MUC5AC: variants seen among roughly 807,000 people sequenced by gnomAD.
MUC5AC encodes mucin 5AC, oligomeric mucus/gel-forming.
A neutral mutation model predicts 169.7 loss-of-function variants in MUC5AC; 158 were observed. The ratio of observed to expected loss-of-function variants is 0.93; its 90% confidence interval spans 0.82 to 1.06. MUC5AC has a LOEUF of 1.06. Ranked by LOEUF, MUC5AC falls within the 50% of genes least tolerant of loss-of-function variation. MUC5AC has a pLI of 0.00. For synonymous variants in MUC5AC, 1,975 were observed against 1,237.0 expected (o/e 1.60, Z -12.52); for missense variants, 4,359 against 3,089.9 (o/e 1.41, Z -9.74).
At position 1,197,460 on chromosome 11, in the gene MUC5AC, C is replaced by T. The variant is rs1016420670; in HGVS notation, c.15862-8C>T. ...GCGGACGCTGGACCTCAGTCCCCTT[C>T]CTTGCAGGTGGGCCACACCGTCGGC... is the stretch of plus-strand genomic sequence containing the variant. On this transcript the variant is annotated splice_polypyrimidine_tract_variant and splice_region_variant and intron_variant, in intron 40 of 48. Coordinates refer to ENST00000621226, the MANE Select transcript of MUC5AC (RefSeq NM_001304359.2). 1.1e-5 allele frequency: 8 copies of T among 708,146 alleles called. No individual in the cohort carries two copies. In the African/African-American group the frequency reaches 1.4e-4, roughly 12 times the overall value. The allele number at this position is 708,146 out of a possible 1,614,324, so 43.9% of individuals were successfully genotyped here.
intron 2 of MUC5AC, 36 bp from the exon 3 acceptor site, chr11:1,161,491 G>A (rs1860138559): frequency 6.5e-7 from 1 of 1,540,184 alleles, no homozygotes; most frequent in Non-Finnish European, 8.8e-7. Context: ...CCCACGTGGG[G>A]CCGTGCGTGA....
intron 33 of MUC5AC, 41 bp from the exon 34 acceptor site, chr11:1,194,069 C>T: frequency 1.3e-6 from 1 of 757,986 alleles, no homozygotes; most frequent in Non-Finnish European, 2.4e-6. Flanking sequence ...CATGGTGCCA[C>T]CACCCGAGCC....
Position 1,168,671 on chromosome 11 carries a change from T to G in MUC5AC, c.1597T>G (p.Phe533Val), listed in dbSNP as rs1860403803. Reference sequence around the variant, plus strand: ...CGTCACCATCTTCAGACCCTCAACCTTCTTCATCATCGCCCAGACCAGCCT... The same window carrying G: ...CGTCACCATCTTCAGACCCTCAACCGTCTTCATCATCGCCCAGACCAGCCT... ...ANVTIFRPST[F>V]FIIAQTSLGL... Residue 533 changes from phenylalanine to valine, a missense_variant, in exon 14 of 49, where the codon TTC (phenylalanine) becomes GTC (valine). Coordinates refer to ENST00000621226, the MANE Select transcript of MUC5AC (RefSeq NM_001304359.2). The G allele has an allele frequency of 3.7e-6, 6 of 1,610,690 alleles. No homozygotes were observed. Among genetic ancestry groups the G allele is most frequent in the Non-Finnish European group, 5.1e-6 (6 of 1,178,072 alleles).
intron 15 of MUC5AC, among the ~76,000 whole-genome samples, chr11:1,170,716 CTGA>C: frequency 7.2e-6 from 1 of 139,456 alleles, no homozygotes; most frequent in African/African-American, 2.7e-5. Flanking sequence ...CACCCACTCA[CTGA>C]CTCAACCATT....
intron 29 of MUC5AC, 33 bp from the exon 30 acceptor site, chr11:1,181,237 GC>G (rs1860808589): frequency 2.5e-6 from 1 of 398,524 alleles, no homozygotes; most frequent in African/African-American, 2.1e-5. Flanking sequence ...TCTGCGCCCA[GC>G]CTCTGACGGG....
chr11:1,199,955 G>C lies in MUC5AC; in HGVS notation c.16686G>C (p.Gly5562=). The C allele has an allele frequency of 1.3e-6, 1 of 762,990 alleles. No homozygotes were observed. 47.3% of individuals were successfully genotyped at this position (762,990 alleles called of 1,614,324 possible). Residue 5562 remains glycine (G), a synonymous_variant, in exon 48 of 49, where the codon GGG becomes GGC. Coordinates refer to ENST00000621226, the MANE Select transcript of MUC5AC (RefSeq NM_001304359.2). ...VRLAYCRGNC[G]DSSSMYSLEG... ...TGGCTTACTGCCGGGGGAACTGTGG[G>C]GACAGCTCTTCCATGTACGTGCCTG...
intron 1 of MUC5AC, among the ~76,000 whole-genome samples, chr11:1,160,091 G>A (rs935011653): frequency 1.3e-5 from 2 of 152,050 alleles, no homozygotes; most frequent in Non-Finnish European, 1.5e-5. Context: ...GGGCTGGGCC[G>A]GGCTGAAATC....
intron 15 of MUC5AC, chr11:1,169,250 G>A (rs1225376697): frequency 1.2e-6 from 1 of 841,908 alleles, no homozygotes; most frequent in Non-Finnish European, 1.4e-6. Context: ...AAGGGTACAA[G>A]TCTCTGTTGG....
Position 1,194,314 on chromosome 11 carries a change from G to T in MUC5AC, c.14960G>T (p.Arg4987Leu), listed in dbSNP as rs750343544. 1 of 739,826 alleles carries T rather than the reference G, an allele frequency of 1.4e-6. No homozygotes were observed. Among genetic ancestry groups the T allele is most frequent in the Non-Finnish European group, 2.5e-6 (1 of 407,168 alleles). The allele number at this position is 739,826 out of a possible 1,614,324, so 45.8% of individuals were successfully genotyped here. Residue 4987 changes from arginine to leucine, a missense_variant, in exon 34 of 49, where the codon CGC (arginine) becomes CTC (leucine). Arg to Leu is a moderately radical substitution (Grantham distance 102). Coordinates refer to ENST00000621226, the MANE Select transcript of MUC5AC (RefSeq NM_001304359.2). Reference sequence around the variant, plus strand: ...ATCATCCTGGAGTACCACCAGGACCGCGTGGTGCTGACCCGCAAGCCAGTC... The same window carrying T: ...ATCATCCTGGAGTACCACCAGGACCTCGTGGTGCTGACCCGCAAGCCAGTC... The part of the protein sequence containing the change: ...RSIILEYHQD[R>L]VVLTRKPVHG...
Position 1,176,991 on chromosome 11 carries a change from C to T in MUC5AC, c.2718C>T (p.Tyr906=), listed in dbSNP as rs1487549055. The change falls in exon 22 of 49, where the codon TAC becomes TAT. Residue 906 remains tyrosine (Y), a synonymous_variant. Transcript: ENST00000621226. ...DDPCLATCAV[Y]GDGHYLTFDG... Reference sequence around the variant, plus strand: ...CCTGCCTGGCCACCTGCGCCGTGTACGGGGACGGCCACTACCTCACCTTCG... The same window carrying T: ...CCTGCCTGGCCACCTGCGCCGTGTATGGGGACGGCCACTACCTCACCTTCG... The T allele has an allele frequency of 7.5e-5, 30 of 399,098 alleles. No individual in the cohort carries two copies. Among genetic ancestry groups the T allele is most frequent in the South Asian group, 3.8e-4 (3 of 7,894 alleles). The allele number at this position is 399,098 out of a possible 1,614,324, so 24.7% of individuals were successfully genotyped here.
At chr11:1,178,233 G>A (rs1228691704) in intron 24 of MUC5AC, among the ~76,000 whole-genome samples, 3 of 152,206 alleles carry the variant, frequency 2.0e-5, no homozygotes, top group Admixed American at 6.5e-5. Context: ...TCCGGCCCTC[G>A]GTGCTCAGCT....
At chr11:1,161,699 G>C in intron 3 of MUC5AC, 113 bp downstream of exon 3, 2 of 1,323,884 alleles carry the variant, frequency 1.5e-6, no homozygotes, top group Non-Finnish European at 2.0e-6. Context: ...GTGAACACTG[G>C]GTGGGTATTG....
rs753933002 is a variant in MUC5AC, at chr11:1,192,353, G to C, written c.14208G>C (p.Val4736=). The C allele has an allele frequency of 1.3e-6, 1 of 765,078 alleles. No homozygotes were observed. The allele number at this position is 765,078 out of a possible 1,614,324, so 47.4% of individuals were successfully genotyped here. A position where few individuals can be genotyped will look rare whatever the true frequency, so the allele number is the denominator to read the frequency against. ...ETPRGCPVTS[V]TPYGTSPTNA... The stretch of plus-strand genomic sequence containing the variant: ...CCAGAGGCTGCCCGGTGACCTCTGT[G>C]ACCCCATATGGGACTTCTCCTACCA... The change falls in exon 31 of 49, where the codon GTG becomes GTC. Residue 4736 remains valine, a synonymous_variant. Coordinates refer to ENST00000621226, the MANE Select transcript of MUC5AC (RefSeq NM_001304359.2).
chr11:1,182,396 G>T lies in MUC5AC; in HGVS notation c.4251G>T (p.Gly1417=), dbSNP rs1288580490. 1.0e-5 allele frequency: 4 copies of T among 398,500 alleles called. No homozygotes were observed. Among genetic ancestry groups the T allele is most frequent in the Non-Finnish European group, 1.8e-5 (4 of 226,048 alleles). 24.7% of individuals were successfully genotyped at this position (398,500 alleles called of 1,614,324 possible). A position where few individuals can be genotyped will look rare whatever the true frequency, so the allele number is the denominator to read the frequency against. ...CACTGGAGAACCTCCGCGCCCATGG[G>T]TACCGGGTGTGCGAATCACCCAGGT... ...FDTLENLRAH[G]YRVCESPRSV... is the part of the protein sequence containing the mutation. The change falls in exon 31 of 49, where the codon GGG becomes GGT. Residue 1417 remains glycine, a synonymous_variant. Transcript: ENST00000621226.
chr11:1,168,387 G>T, intron 12 of MUC5AC, 96 bp from the exon 13 acceptor site: 3 of 1,227,638 alleles, frequency 2.4e-6, no homozygotes, highest in African/African-American at 1.5e-5. Flanking sequence ...GCAGGGAAAG[G>T]CCTCCTAGGC....
Position 1,189,928 on chromosome 11 carries a change from C to A in MUC5AC, c.11783C>A (p.Ala3928Asp). ...TPSPVPTTSTASVSKTSTSHV... is the reference protein window; with the variant it reads ...TPSPVPTTSTDSVSKTSTSHV... ...AGCCCCGTTCCCACCACCAGCACAGCCTCTGTTTCAAAGACCAGCACAAGC... is the reference window on the plus strand; with the variant it reads ...AGCCCCGTTCCCACCACCAGCACAGACTCTGTTTCAAAGACCAGCACAAGC... The change falls in exon 31 of 49, where the codon GCC (alanine) becomes GAC (aspartate). Residue 3928 changes from alanine (A) to aspartate (D), a missense_variant. Transcript: ENST00000621226. The A allele has an allele frequency of 1.3e-6, 1 of 765,156 alleles. No homozygotes were observed. The highest frequency in any genetic ancestry group is 2.4e-6 in the Non-Finnish European group (1 of 417,874). 47.4% of individuals were successfully genotyped at this position (765,156 alleles called of 1,614,324 possible). A position where few individuals can be genotyped will look rare whatever the true frequency, so the allele number is the denominator to read the frequency against.
rs1041221511 is a variant in MUC5AC, at chr11:1,198,255, T to A, written c.16136-13T>A. Reference sequence around the variant, plus strand: ...GCGGCGGGGGGTGCAGCTGCTTGTCTTCTCGTGGGCAGGCTGGACAGTGTG... The same window carrying A: ...GCGGCGGGGGGTGCAGCTGCTTGTCATCTCGTGGGCAGGCTGGACAGTGTG... On this transcript the variant is annotated splice_polypyrimidine_tract_variant and intron_variant, in intron 42 of 48. Transcript: ENST00000621226. 1.3e-6 allele frequency: 1 copy of A among 751,340 alleles called. No homozygotes were observed. 46.5% of individuals were successfully genotyped at this position (751,340 alleles called of 1,614,324 possible).
At chr11:1,167,646 G>T (rs1405527201) in intron 11 of MUC5AC, among the ~76,000 whole-genome samples, 1 of 152,220 alleles carries the variant, frequency 6.6e-6, no homozygotes, top group Non-Finnish European at 1.5e-5. Flanking sequence ...TTCCCAGAGG[G>T]TCCTATAGTT....
intron 26 of MUC5AC, 128 bp from the exon 27 acceptor site, chr11:1,179,894 C>T: frequency 2.5e-6 from 1 of 397,538 alleles, no homozygotes; most frequent in East Asian, 3.6e-5. Flanking sequence ...GGCCCACCCT[C>T]CCCTGTCCCC....
Sources: gnomAD v4.1 joint callset for allele counts (sites outside exome capture counted in the v4.1 genomes callset) on GRCh38, gnomAD v4.1.1 for gene constraint, MANE v1.5 for transcripts, NCBI Gene and HGNC (gene_info 2026-07-23, HGNC 2026-07-21) for gene names.